The following ASCC1 variants were observed in gnomAD, a reference collection of about 807,000 sequenced individuals.
ASCC1 encodes activating signal cointegrator 1 complex subunit 1.
ASCC1 carries 35 observed loss-of-function variants against 46.6 expected under a neutral mutation model. The ratio of observed to expected loss-of-function variants is 0.75; its 90% CI spans 0.57 to 0.99. The LOEUF is 0.99. Among genes scored for constraint, ASCC1 ranks in the 50% least tolerant of loss-of-function variants. The probability of loss-of-function intolerance (pLI) is 0.00; values close to 1 mark genes in which losing one functional copy is unlikely to be tolerated. For missense variants in ASCC1, 376 were observed against 428.7 expected, an observed-to-expected ratio of 0.88 and a Z score of 1.09; for synonymous variants, 143 against 146.6, an observed-to-expected ratio of 0.98 and a Z score of 0.18.
At chr10:72,169,009 C>T (rs1367778375) in intron 5 of ASCC1, among the ~76,000 whole-genome samples, 1 of 152,162 alleles carries the variant, frequency 6.6e-6, no homozygotes, top group East Asian at 1.9e-4. Flanking sequence ...ACATCAACAA[C>T]GTAAAATATG....
chr10:72,131,137 TG>T (rs1845530815), intron 8 of ASCC1, among the ~76,000 whole-genome samples: 1 of 152,084 alleles, frequency 6.6e-6, no homozygotes, highest in East Asian at 1.9e-4. Flanking sequence ...TATGCTCAAC[TG>T]GGCCGGGCGC....
chr10:72,123,187 A>C (rs1844422126), intron 9 of ASCC1, among the ~76,000 whole-genome samples: 1 of 152,020 alleles, frequency 6.6e-6, no homozygotes, highest in Admixed American at 6.5e-5. Flanking sequence ...AATACAAAAA[A>C]AATTAGCCAG....
intron 5 of ASCC1, among the ~76,000 whole-genome samples, chr10:72,177,994 G>T (rs935104891): frequency 8.5e-5 from 13 of 152,160 alleles, no homozygotes; most frequent in Non-Finnish European, 1.8e-4. Context: ...ACAAAGAAAG[G>T]TGACTTCAGG....
At chr10:72,127,636 T>TA (rs1238187194) in intron 9 of ASCC1, among the ~76,000 whole-genome samples, 1 of 151,398 alleles carries the variant, frequency 6.6e-6, no homozygotes, top group Non-Finnish European at 1.5e-5. Flanking sequence ...TTTCTATGAA[T>TA]CCAAGTGGTT....
intron 4 of ASCC1, among the ~76,000 whole-genome samples, chr10:72,198,076 C>T (rs368835146): frequency 0.17 from 16 of 92 alleles, 4 homozygotes; most frequent in South Asian, 0.25. Flanking sequence ...GGAGGGGGAA[C>T]GAGGAAGGGA....
At chr10:72,152,655 C>T (rs1026825137) in intron 7 of ASCC1, among the ~76,000 whole-genome samples, 4 of 152,022 alleles carry the variant, frequency 2.6e-5, no homozygotes, top group African/African-American at 9.7e-5. Context: ...TAGTAAGACC[C>T]CCATCCTAAA....
intron 9 of ASCC1, among the ~76,000 whole-genome samples, chr10:72,123,521 G>A (rs376665613): frequency 6.6e-6 from 1 of 152,098 alleles, no homozygotes; most frequent in African/African-American, 2.4e-5. Flanking sequence ...GAGGCTGTGC[G>A]TGTGCAGGGA....
At chr10:72,161,729 A>C in intron 5 of ASCC1, 55 bp from the exon 6 acceptor site, 1 of 1,610,462 alleles carries the variant, frequency 6.2e-7, no homozygotes, top group Non-Finnish European at 8.5e-7. Context: ...GCAAATGGCA[A>C]GAATAAAATT....
At chr10:72,216,692 T>C (rs1022664070), upstream of ASCC1, 1 of 379,030 alleles carries the variant, frequency 2.6e-6, no homozygotes, top group Non-Finnish European at 5.2e-6. Flanking sequence ...TTCATAAATA[T>C]ATGAATGCGA....
chr10:72,187,736 A>AC (rs1164456049), intron 5 of ASCC1, among the ~76,000 whole-genome samples: 3 of 150,068 alleles, frequency 2.0e-5, no homozygotes, highest in African/African-American at 7.4e-5. Flanking sequence ...AAAAAAAAAA[A>AC]AAAAAACTGG....
chr10:72,106,284 G>A (rs778240793), intron 9 of ASCC1, among the ~76,000 whole-genome samples: 1 of 152,132 alleles, frequency 6.6e-6, no homozygotes, highest in Non-Finnish European at 1.5e-5. Flanking sequence ...CCAACCTTTA[G>A]AATATAATCT....
At chr10:72,109,321 T>C (rs1208074821) in intron 9 of ASCC1, among the ~76,000 whole-genome samples, 10 of 152,134 alleles carry the variant, frequency 6.6e-5, no homozygotes, top group African/African-American at 2.2e-4. Context: ...TTGTCTCCAT[T>C]AAAATAGTAC....
At chr10:72,099,146 T>C (rs1841427061) in intron 9 of ASCC1, among the ~76,000 whole-genome samples, 1 of 152,204 alleles carries the variant, frequency 6.6e-6, no homozygotes, top group Non-Finnish European at 1.5e-5. Flanking sequence ...CTTCTCTTTG[T>C]GCCCATGTTT....
chr10:72,158,174 G>A lies in ASCC1; in HGVS notation c.626+3364C>T, dbSNP rs1328110193. ...AGATGAAAGAGCAGGATAGAAATCC[G>A]ATGGTTTGCCCGATAAACACTCTTT... On this transcript the variant is annotated intron_variant, in intron 6 of 9. Coordinates refer to ENST00000672957, the MANE Select transcript of ASCC1 (RefSeq NM_001198800.3). Among the ~76,000 whole-genome samples the A allele has an allele frequency of 3.9e-5, 6 of 152,184 alleles. 1 individual carries two copies. Among genetic ancestry groups the A allele is most frequent in the Admixed American group, 2.0e-4 (3 of 15,276 alleles).
chr10:72,109,027 C>G (rs1589182259), intron 9 of ASCC1, among the ~76,000 whole-genome samples: 1 of 152,216 alleles, frequency 6.6e-6, no homozygotes, highest in East Asian at 1.9e-4. Context: ...CACAGCTTAA[C>G]TCTGCCCAAG....
At chr10:72,165,436 C>T (rs1183580385) in intron 5 of ASCC1, among the ~76,000 whole-genome samples, 1 of 152,216 alleles carries the variant, frequency 6.6e-6, no homozygotes, top group Non-Finnish European at 1.5e-5. Flanking sequence ...TCTTCTATTC[C>T]AACAGGAATG....
rs376545251 is a variant in ASCC1 at position 72,184,176 on chromosome 10, C to CA, written c.489+12634dup. Among the ~76,000 whole-genome samples, 148 of 128,294 alleles carry CA rather than the reference C, an allele frequency of 1.2e-3. 1 individual carries two copies. The South Asian group carries it at 0.013, about 11-fold the overall frequency. 84.2% of individuals were successfully genotyped at this position (128,294 alleles called of 152,430 possible). ...AAATAAATAAATAAAACCCTCAATC[C>CA]AAAAAAAAAAGCGGTACAAAGAAGA... is the stretch of plus-strand genomic sequence containing the variant. On this transcript the variant is annotated intron_variant, in intron 5 of 9. Transcript: ENST00000672957.
intron 3 of ASCC1, among the ~76,000 whole-genome samples, chr10:72,208,980 A>G (rs1375266355): frequency 1.3e-5 from 2 of 152,106 alleles, no homozygotes. Flanking sequence ...CCTGGGCAAT[A>G]TGGAGAAACC....
chr10:72,206,671 T>C (rs1167895087), intron 3 of ASCC1, among the ~76,000 whole-genome samples: 2 of 152,118 alleles, frequency 1.3e-5, no homozygotes, highest in African/African-American at 4.8e-5. Context: ...AGTTCCAAAC[T>C]ACGGAATCCG....
Sources: allele counts gnomAD v4.1 joint callset (sites outside exome capture counted in the v4.1 genomes callset), GRCh38; gene constraint gnomAD v4.1.1; transcripts MANE v1.5; gene names NCBI Gene and HGNC (gene_info 2026-07-23, HGNC 2026-07-21).